PRDM16: variants seen among roughly 807,000 people sequenced by gnomAD.
PRDM16 encodes the protein histone-lysine N-methyltransferase PRDM16.
A neutral mutation model predicts 110.6 loss-of-function variants in PRDM16; 23 were observed. That is an observed-to-expected ratio of 0.21 (90% CI 0.15 to 0.29). The LOEUF (loss-of-function observed/expected upper bound fraction) is 0.29. PRDM16 is among the 10% of genes least tolerant of loss of function. The pLI is 1.00. For synonymous variants in PRDM16, 799 were observed against 781.8 expected, an observed-to-expected ratio of 1.02 and a Z score of -0.37; for missense variants, 1,615 against 1,794.3, an observed-to-expected ratio of 0.90 and a Z score of 1.81.
intron 1 of PRDM16, among the ~76,000 whole-genome samples, chr1:3,147,876 G>A (rs757789232): frequency 6.6e-6 from 1 of 152,108 alleles, no homozygotes; most frequent in Non-Finnish European, 1.5e-5. Context: ...GGCCCCTCTC[G>A]CCCCAGCCAG....
chr1:3,204,904 G>A (rs917609685), intron 2 of PRDM16, among the ~76,000 whole-genome samples: 1 of 152,166 alleles, frequency 6.6e-6, no homozygotes, highest in African/African-American at 2.4e-5. Context: ...GTTGGGGGGG[G>A]CCCTCGCCGG....
At chr1:3,404,648 G>A (rs1643529120) in intron 6 of PRDM16, 91 bp from the exon 7 acceptor site, 1 of 1,512,034 alleles carries the variant, frequency 6.6e-7, no homozygotes, top group Admixed American at 2.0e-5. Context: ...GGGCTCCGAA[G>A]GGGCACTGGG....
At chr1:3,104,879 CT>C (rs1233843111) in intron 1 of PRDM16, among the ~76,000 whole-genome samples, 11 of 152,206 alleles carry the variant, frequency 7.2e-5, no homozygotes, top group African/African-American at 2.7e-4. Flanking sequence ...TGAACGCTCA[CT>C]GAACACATGC....
chr1:3,162,052 G>A (rs1001326488), intron 1 of PRDM16, among the ~76,000 whole-genome samples: 5 of 151,910 alleles, frequency 3.3e-5, no homozygotes, highest in African/African-American at 4.8e-5. Flanking sequence ...ACCCCTTCCC[G>A]TCCCCCTAGA....
rs1346526348 is a variant in PRDM16, at chr1:3,435,537, G to A, written c.*1726G>A. On this transcript the variant is annotated 3_prime_UTR_variant, in exon 17 of 17. Transcript: ENST00000270722. ...TTCTATTTATTTCTTGTATTGTTTGGAAGAAAAAATGATGATAGAGTCCCA... is the reference window on the plus strand; with the variant it reads ...TTCTATTTATTTCTTGTATTGTTTGAAAGAAAAAATGATGATAGAGTCCCA... 1 of 231,486 alleles carries A rather than the reference G, an allele frequency of 4.3e-6. No individual in the cohort carries two copies. Among genetic ancestry groups the A allele is most frequent in the Non-Finnish European group, 8.5e-6 (1 of 117,218 alleles). The allele number at this position is 231,486 out of a possible 1,614,324, so 14.3% of individuals were successfully genotyped here.
rs1638317140 is a variant in PRDM16, at chr1:3,417,974, G to A, written c.2838G>A (p.Lys946=). Residue 946 remains lysine (K), a synonymous_variant, in exon 11 of 17, where the codon AAG becomes AAA. Coordinates refer to ENST00000270722, the MANE Select transcript of PRDM16 (RefSeq NM_022114.4). ...CGCTCTCCGACCCCATCCTCAGGAA[G>A]GGCAAGGAGCGATACACGTGCAGGT... ...PPTLSDPILR[K]GKERYTCRYC... 6.2e-7 allele frequency: 1 copy of A among 1,612,322 alleles called. No homozygotes were observed. The highest frequency in any genetic ancestry group is 1.1e-5 in the South Asian group (1 of 91,024).
At chr1:3,316,619 C>A (rs1641607821) in intron 3 of PRDM16, among the ~76,000 whole-genome samples, 1 of 149,006 alleles carries the variant, frequency 6.7e-6, no homozygotes, top group Admixed American at 6.6e-5. Context: ...AGCCAGGAAA[C>A]AGTGACACAG....
intron 1 of PRDM16, among the ~76,000 whole-genome samples, chr1:3,076,678 CA>C (rs1641908659): frequency 6.6e-6 from 1 of 152,192 alleles, no homozygotes; most frequent in Admixed American, 6.5e-5. Context: ...GGCCAGGGGC[CA>C]GGGCTGCCTT....
intron 3 of PRDM16, among the ~76,000 whole-genome samples, chr1:3,351,614 C>T (rs1353875649): frequency 3.0e-5 from 2 of 66,098 alleles, no homozygotes; most frequent in Non-Finnish European, 7.3e-5. Context: ...CTCTCTCTCC[C>T]CCTCCCTCTC....
chr1:3,338,300 A>G (rs1292386261), intron 3 of PRDM16, among the ~76,000 whole-genome samples: 2 of 152,224 alleles, frequency 1.3e-5, no homozygotes, highest in Non-Finnish European at 2.9e-5. Flanking sequence ...TCAGATGAGA[A>G]GCCCCGTGGG....
intron 3 of PRDM16, among the ~76,000 whole-genome samples, chr1:3,253,543 AT>A (rs1440397139): frequency 6.6e-6 from 1 of 151,568 alleles, no homozygotes; most frequent in Non-Finnish European, 1.5e-5. Context: ...TGAACTCATC[AT>A]TTTTTATGGC....
At chr1:3,108,721 G>A (rs79123085) in intron 1 of PRDM16, among the ~76,000 whole-genome samples, 2,668 of 152,278 alleles carry the variant, frequency 0.018, 73 homozygotes, top group African/African-American at 0.06. Context: ...GCCCTGAGAT[G>A]GGAGCTGGTG....
chr1:3,343,425 G>C (rs2100517992), intron 3 of PRDM16, among the ~76,000 whole-genome samples: 1 of 151,066 alleles, frequency 6.6e-6, no homozygotes, highest in East Asian at 2.0e-4. Context: ...GAGTGGCCTG[G>C]CTTTTTATTT....
At chr1:3,343,092 A>G (rs904526921) in intron 3 of PRDM16, among the ~76,000 whole-genome samples, 1 of 151,832 alleles carries the variant, frequency 6.6e-6, no homozygotes. Flanking sequence ...AAAAAGTTGT[A>G]CTATTTTGCA....
At chr1:3,272,325 G>C (rs766058740) in intron 3 of PRDM16, among the ~76,000 whole-genome samples, 1 of 152,180 alleles carries the variant, frequency 6.6e-6, no homozygotes, top group Non-Finnish European at 1.5e-5. Flanking sequence ...GGGGCTCTCC[G>C]TGGGGGCTCT....
At chr1:3,150,048 G>A (rs922605012) in intron 1 of PRDM16, among the ~76,000 whole-genome samples, 9 of 152,192 alleles carry the variant, frequency 5.9e-5, no homozygotes, top group Admixed American at 3.9e-4. Context: ...CTCCTGCCCT[G>A]AGGAGAGGAC....
intron 2 of PRDM16, among the ~76,000 whole-genome samples, chr1:3,223,068 A>G (rs1325366651): frequency 5.5e-5 from 8 of 146,642 alleles, no homozygotes; most frequent in African/African-American, 1.5e-4. Flanking sequence ...GGAGCAGCCA[A>G]GGTGGCCCTG....
At position 3,246,380 on chromosome 1, in the gene PRDM16, C is replaced by T. The variant is rs1435171509; in HGVS notation, c.438+2243C>T. Among the ~76,000 whole-genome samples the T allele has an allele frequency of 3.3e-5, 5 of 152,190 alleles. No homozygotes were observed. Among genetic ancestry groups the T allele is most frequent in the African/African-American group, 9.6e-5 (4 of 41,452 alleles). On this transcript the variant is annotated intron_variant, in intron 3 of 16. Transcript: ENST00000270722. This position sits in a 1 kb window ranked among gnomAD's most constrained non-coding sequence, Gnocchi z 5.2. ...GGTCGGGCTGAGGAGTCTCAGGTTCCGCCATCCCACGGAATCAGAGCAGAC... is the reference window on the plus strand; with the variant it reads ...GGTCGGGCTGAGGAGTCTCAGGTTCTGCCATCCCACGGAATCAGAGCAGAC...
intron 2 of PRDM16, among the ~76,000 whole-genome samples, chr1:3,226,445 G>A (rs1004176): frequency 0.041 from 6,240 of 152,250 alleles, 249 homozygotes; most frequent in East Asian, 0.12. Context: ...CATCTTGGCC[G>A]TCTCTGCTCG....
Sources: allele counts gnomAD v4.1 joint callset (sites outside exome capture counted in the v4.1 genomes callset), GRCh38; gene constraint gnomAD v4.1.1; non-coding constraint Gnocchi (gnomAD v3.1); transcripts MANE v1.5; gene names NCBI Gene and HGNC (gene_info 2026-07-23, HGNC 2026-07-21).